The following GRM4 variants were observed in gnomAD, a reference collection of about 807,000 sequenced individuals.
GRM4 encodes metabotropic glutamate receptor 4.
In GRM4, 28 loss-of-function variants were observed where a neutral mutation model predicts 81.7. The ratio of observed to expected loss-of-function variants is 0.34; its 90% CI spans 0.25 to 0.47. GRM4 has a LOEUF of 0.47. Among genes scored for constraint, GRM4 ranks in the 20% least tolerant of loss-of-function variants. GRM4 has a pLI of 1.00. For missense variants in GRM4, 948 were observed against 1,290.0 expected (o/e 0.73, Z 4.06); for synonymous variants, 488 against 528.8 (o/e 0.92, Z 1.06).
At position 34,110,685 on chromosome 6, in the gene GRM4, C is replaced by T. The variant is rs138274515; in HGVS notation, c.520-18586G>A. 1.4e-4 allele frequency: 213 copies of T among 1,509,168 alleles called. No individual in the cohort carries two copies. The East Asian group carries it at 4.5e-3, about 32-fold the overall frequency. The allele number at this position is 1,509,168 out of a possible 1,614,324, so 93.5% of individuals were successfully genotyped here. On this transcript the variant is annotated intron_variant, in intron 2 of 10. Coordinates refer to ENST00000538487, the MANE Select transcript of GRM4 (RefSeq NM_000841.4). Reference sequence around the variant, plus strand: ...CTTACATGACATGTCTCTCCAGGAGCGTGTGTCTGCCTCAGCCTCCCCGCT... The same window carrying T: ...CTTACATGACATGTCTCTCCAGGAGTGTGTGTCTGCCTCAGCCTCCCCGCT...
chr6:34,151,373 T>C (rs989191058), intron 1 of GRM4, among the ~76,000 whole-genome samples: 2 of 152,240 alleles, frequency 1.3e-5, no homozygotes, highest in South Asian at 2.1e-4. Flanking sequence ...TTTTCCAGCC[T>C]CTTTGCCTCG....
At chr6:34,029,482 C>G (rs555570790) in intron 9 of GRM4, among the ~76,000 whole-genome samples, 1 of 152,270 alleles carries the variant, frequency 6.6e-6, no homozygotes, top group East Asian at 1.9e-4. Context: ...TCTTATATTC[C>G]TCCCTGTCCC....
intron 2 of GRM4, among the ~76,000 whole-genome samples, chr6:34,132,424 A>C (rs1770278905): frequency 6.6e-6 from 1 of 152,244 alleles, no homozygotes. Flanking sequence ...GGAGGGCCAC[A>C]GGGAGCTTCC....
chr6:34,026,663 G>A (rs1357806901), intron 10 of GRM4, among the ~76,000 whole-genome samples: 1 of 152,104 alleles, frequency 6.6e-6, no homozygotes, highest in Non-Finnish European at 1.5e-5. Flanking sequence ...GTTCCCAGGT[G>A]ACTGGCTGGA....
intron 2 of GRM4, among the ~76,000 whole-genome samples, chr6:34,098,760 AGAG>A (rs1768671812): frequency 6.6e-6 from 1 of 152,268 alleles, no homozygotes; most frequent in Non-Finnish European, 1.5e-5. Flanking sequence ...GTTCAGAGAA[AGAG>A]GAGGAGAGTG....
chr6:34,116,752 A>G lies in GRM4; in HGVS notation c.519+16226T>C, dbSNP rs539231206. On this transcript the variant is annotated intron_variant, in intron 2 of 10. Coordinates refer to ENST00000538487, the MANE Select transcript of GRM4 (RefSeq NM_000841.4). ...TCTATTCATAATAGCCAAACACTGG[A>G]TTCAGCCCAAATGTCCAGTGGCAGC... is the stretch of plus-strand genomic sequence containing the variant. Among the ~76,000 whole-genome samples, 10 of 152,358 alleles carry G rather than the reference A, an allele frequency of 6.6e-5. 1 individual carries two copies. Among genetic ancestry groups the G allele is most frequent in the Middle Eastern group, 3.4e-3 (1 of 294 alleles).
chr6:34,081,796 G>A (rs1177313479), intron 3 of GRM4, among the ~76,000 whole-genome samples: 1 of 152,238 alleles, frequency 6.6e-6, no homozygotes, highest in Non-Finnish European at 1.5e-5. Flanking sequence ...CAGAGAAAAA[G>A]GCAGCTGGGG....
Position 34,018,970 on chromosome 6 carries a change from G to A in GRM4, c.*3851C>T, listed in dbSNP as rs1561998956. On this transcript the variant is annotated 3_prime_UTR_variant, in exon 11 of 11. Coordinates refer to ENST00000538487, the MANE Select transcript of GRM4 (RefSeq NM_000841.4). ...GTTCAGTGGGCAGATGGAAACCTGG[G>A]ATGGGAAGGGGGAGCCGTGGAGCCA... is the stretch of plus-strand genomic sequence containing the variant. 6.6e-6 allele frequency: 1 copy of A among 152,490 alleles called. No homozygotes were observed. Among genetic ancestry groups the A allele is most frequent in the Admixed American group, 6.5e-5 (1 of 15,290 alleles). The allele number at this position is 152,490 out of a possible 1,614,324, so 9.4% of individuals were successfully genotyped here.
intron 3 of GRM4, among the ~76,000 whole-genome samples, chr6:34,082,899 C>T (rs1561800131): frequency 6.6e-6 from 1 of 152,208 alleles, no homozygotes; most frequent in Non-Finnish European, 1.5e-5. Flanking sequence ...AGTGTCTGGG[C>T]TCTTGGCCAC....
At chr6:34,129,068 G>A (rs995025177) in intron 2 of GRM4, among the ~76,000 whole-genome samples, 3 of 151,468 alleles carry the variant, frequency 2.0e-5, no homozygotes, top group Non-Finnish European at 4.4e-5. Context: ...AGGCTGGAGT[G>A]CAGTGGTGCG....
chr6:34,052,213 C>G (rs148648773), intron 6 of GRM4, among the ~76,000 whole-genome samples: 109 of 152,344 alleles, frequency 7.2e-4, no homozygotes, highest in African/African-American at 2.3e-3. Context: ...CCCTCTCGCT[C>G]TCTGTGTGAT....
chr6:34,063,967 C>T (rs998425912), intron 3 of GRM4, among the ~76,000 whole-genome samples: 6 of 152,142 alleles, frequency 3.9e-5, no homozygotes, highest in African/African-American at 1.2e-4. Flanking sequence ...CAGGGAGAAA[C>T]TGTTAGGTTA....
chr6:34,028,057 C>T (rs1764219306), intron 10 of GRM4, 63 bp downstream of exon 10: 1 of 1,526,888 alleles, frequency 6.5e-7, no homozygotes, highest in Non-Finnish European at 8.8e-7. Context: ...GGAGCTCAGC[C>T]CACCTGCTGC....
In GRM4 at chr6:34,089,351, A is replaced by G. The variant is rs1471988701; in HGVS notation, c.736+2532T>C. Among the ~76,000 whole-genome samples the G allele has an allele frequency of 6.8e-6, 1 of 147,836 alleles. No homozygotes were observed. The highest frequency in any genetic ancestry group is 1.5e-5 in the Non-Finnish European group (1 of 67,128). ...TACTGGCTGCTCAATTCTGATTTCA[A>G]TTTGGCCAGCTGAAGTGCAGCTCTC... is the stretch of plus-strand genomic sequence containing the variant. On this transcript the variant is annotated intron_variant, in intron 3 of 10. Transcript: ENST00000538487. This position sits in a 1 kb window ranked among gnomAD's most constrained non-coding sequence, Gnocchi z 4.3.
At chr6:34,040,368 T>G in intron 7 of GRM4, 54 bp from the exon 8 acceptor site, 1 of 1,594,342 alleles carries the variant, frequency 6.3e-7, no homozygotes, top group Non-Finnish European at 8.6e-7. Context: ...GCAGGGCGGA[T>G]GATGAGCCTG....
At chr6:34,038,350 C>T (rs1179018316) in intron 8 of GRM4, among the ~76,000 whole-genome samples, 1 of 152,228 alleles carries the variant, frequency 6.6e-6, no homozygotes, top group Non-Finnish European at 1.5e-5. Flanking sequence ...AATGGATATA[C>T]TTTTTAATAT....
intron 2 of GRM4, among the ~76,000 whole-genome samples, chr6:34,108,150 T>A (rs60958822): frequency 0.028 from 4,269 of 152,276 alleles, 112 homozygotes; most frequent in African/African-American, 0.074. Context: ...CCTCCACCAC[T>A]GCCACACTCC....
In GRM4 at chr6:34,129,020, AT is replaced by A. The variant is rs5875491; in HGVS notation, c.519+3957del. Among the ~76,000 whole-genome samples, 637 of 148,002 alleles carry A rather than the reference AT, an allele frequency of 4.3e-3. 3 individuals carry two copies. Among genetic ancestry groups the A allele is most frequent in the Middle Eastern group, 0.021 (6 of 288 alleles). ...GAACAATGACTTTTCAGGAAAAGGT[AT>A]TTTTTTTTTTTGAGATGGAGTCTCA... is the stretch of plus-strand genomic sequence containing the variant. On this transcript the variant is annotated intron_variant, in intron 2 of 10. Transcript: ENST00000538487.
intron 3 of GRM4, among the ~76,000 whole-genome samples, chr6:34,091,364 G>T (rs1227379761): frequency 1.3e-5 from 2 of 152,136 alleles, no homozygotes; most frequent in Non-Finnish European, 2.9e-5. Context: ...ATAAATACTT[G>T]CCAGAGTTCC....
Sources: allele counts gnomAD v4.1 joint callset (sites outside exome capture counted in the v4.1 genomes callset), GRCh38; gene constraint gnomAD v4.1.1; non-coding constraint Gnocchi (gnomAD v3.1); transcripts MANE v1.5; gene names NCBI Gene and HGNC (gene_info 2026-07-23, HGNC 2026-07-21).